The following CHCHD3 variants were observed in gnomAD, a reference collection of about 807,000 sequenced individuals.
CHCHD3 encodes MICOS complex subunit MIC19.
Under a neutral mutation model 38.2 loss-of-function variants are expected in CHCHD3, and 20 were observed. The observed-to-expected ratio is 0.52, with a 90% CI of 0.37 to 0.76. CHCHD3 has a LOEUF of 0.76. CHCHD3 is among the 30% of genes least tolerant of loss of function. The pLI, the probability that CHCHD3 is intolerant of heterozygous loss-of-function variation, is 0.00. For missense variants in CHCHD3, 245 were observed against 279.2 expected (o/e 0.88, Z 0.87); for synonymous variants, 82 against 100.0 (o/e 0.82, Z 1.07).
chr7:132,915,931 TTTTTTTAA>T (rs764359490), intron 4 of CHCHD3, among the ~76,000 whole-genome samples: 34 of 151,766 alleles, frequency 2.2e-4, no homozygotes, highest in Non-Finnish European at 4.0e-4. Flanking sequence ...GAGTTTGGTT[TTTTTTTAA>T]TTTTTTAATA....
At chr7:132,878,404 C>T (rs898719205) in intron 5 of CHCHD3, among the ~76,000 whole-genome samples, 2 of 152,144 alleles carry the variant, frequency 1.3e-5, no homozygotes, top group Non-Finnish European at 2.9e-5. Context: ...GAGCCCAACA[C>T]TTTATGATGC....
At chr7:133,039,360 C>T (rs1367484881) in intron 2 of CHCHD3, among the ~76,000 whole-genome samples, 1 of 152,166 alleles carries the variant, frequency 6.6e-6, no homozygotes, top group Admixed American at 6.5e-5. Context: ...AAAAATCAAA[C>T]TAAATTACTC....
chr7:132,849,282 T>A (rs1484431500), intron 5 of CHCHD3: 1 of 152,168 alleles, frequency 6.6e-6, no homozygotes, highest in Non-Finnish European at 1.5e-5. Context: ...TGAAGAACAA[T>A]CATCAAGCGG....
intron 6 of CHCHD3, among the ~76,000 whole-genome samples, chr7:132,808,287 C>G (rs1806982892): frequency 6.6e-6 from 1 of 152,262 alleles, no homozygotes; most frequent in Admixed American, 6.5e-5. Context: ...AAGTTGGCCC[C>G]TTCTCTGTCT....
intron 4 of CHCHD3, among the ~76,000 whole-genome samples, chr7:132,949,522 A>T (rs1207699758): frequency 6.6e-6 from 1 of 152,196 alleles, no homozygotes; most frequent in Admixed American, 6.5e-5. Flanking sequence ...TTGTTCCAGA[A>T]TGCAAAAATG....
intron 1 of CHCHD3, among the ~76,000 whole-genome samples, chr7:133,080,717 G>T (rs12537090): frequency 0.54 from 81,993 of 151,960 alleles, 23,022 homozygotes; most frequent in South Asian, 0.66. Context: ...ACTGGTCACA[G>T]ACCAAAAACT....
chr7:133,029,854 G>A (rs188263369), intron 2 of CHCHD3, among the ~76,000 whole-genome samples: 6 of 152,164 alleles, frequency 3.9e-5, no homozygotes, highest in Non-Finnish European at 5.9e-5. Context: ...AGAGAAAAAC[G>A]TGGGAAGAGG....
chr7:132,801,902 C>T (rs1194382591), intron 6 of CHCHD3, among the ~76,000 whole-genome samples: 1 of 152,124 alleles, frequency 6.6e-6, no homozygotes, highest in East Asian at 1.9e-4. Flanking sequence ...ACGTGGGGAA[C>T]GTGACCTGGA....
chr7:132,837,050 C>T (rs1029105054), intron 6 of CHCHD3, among the ~76,000 whole-genome samples: 15 of 152,140 alleles, frequency 9.9e-5, no homozygotes, highest in South Asian at 4.1e-4. Context: ...ATATCTTTCC[C>T]GTCCACCTAC....
intron 4 of CHCHD3, among the ~76,000 whole-genome samples, chr7:132,933,422 T>A (rs1430353282): frequency 6.6e-6 from 1 of 152,342 alleles, no homozygotes; most frequent in East Asian, 1.9e-4. Flanking sequence ...GACTTTATCA[T>A]AAGGCTCTTC....
intron 7 of CHCHD3, among the ~76,000 whole-genome samples, chr7:132,786,430 G>T (rs1020187370): frequency 2.6e-5 from 4 of 152,174 alleles, no homozygotes; most frequent in Admixed American, 6.5e-5. Flanking sequence ...TTGCAGAAAT[G>T]GTCCCTACAT....
intron 4 of CHCHD3, among the ~76,000 whole-genome samples, chr7:132,959,179 A>G (rs1253118497): frequency 6.6e-6 from 1 of 152,188 alleles, no homozygotes; most frequent in Non-Finnish European, 1.5e-5. Context: ...TTCTACCTAC[A>G]CCTAACTCCC....
At chr7:132,848,880 T>C (rs1379008498) in intron 5 of CHCHD3, among the ~76,000 whole-genome samples, 1 of 152,154 alleles carries the variant, frequency 6.6e-6, no homozygotes, top group Non-Finnish European at 1.5e-5. Context: ...TTTTATCCCC[T>C]ACCCTCCGTC....
intron 7 of CHCHD3, 28 bp downstream of exon 7, chr7:132,796,414 C>T (rs372345657): frequency 2.7e-5 from 43 of 1,611,040 alleles, no homozygotes; most frequent in Non-Finnish European, 3.4e-5. Flanking sequence ...TTGCCCAGTG[C>T]CCCCAGTGGC....
intron 2 of CHCHD3, among the ~76,000 whole-genome samples, chr7:133,040,659 T>C (rs1813807765): frequency 6.6e-6 from 1 of 152,214 alleles, no homozygotes; most frequent in African/African-American, 2.4e-5. Flanking sequence ...ACAAGCATCT[T>C]GCTGTGGTTA....
In CHCHD3 at chr7:133,081,960, G is replaced by A. The variant is rs1815187892; in HGVS notation, c.-23C>T. 1 of 1,528,838 alleles carries A rather than the reference G, an allele frequency of 6.5e-7. No homozygotes were observed. The allele number at this position is 1,528,838 out of a possible 1,614,324, so 94.7% of individuals were successfully genotyped here. On this transcript the variant is annotated 5_prime_UTR_variant, in exon 1 of 8. Coordinates refer to ENST00000262570, the MANE Select transcript of CHCHD3 (RefSeq NM_017812.4). ...CATGATTCCGGTTCCTGCCCCAGCG[G>A]AGACCTAGCGGGGAACCACGAGCAC...
intron 4 of CHCHD3, among the ~76,000 whole-genome samples, chr7:132,912,623 C>T (rs181146566): frequency 9.2e-5 from 14 of 152,252 alleles, no homozygotes; most frequent in African/African-American, 2.9e-4. Context: ...GGCATGATCT[C>T]GGCCCACTGC....
chr7:133,020,596 C>T (rs1001412561), intron 3 of CHCHD3, among the ~76,000 whole-genome samples: 3 of 152,158 alleles, frequency 2.0e-5, no homozygotes, highest in African/African-American at 4.8e-5. Flanking sequence ...TATTTTTCCA[C>T]GTTTTCACAA....
chr7:132,817,896 A>AT (rs1807242204), intron 6 of CHCHD3, among the ~76,000 whole-genome samples: 1 of 151,914 alleles, frequency 6.6e-6, no homozygotes, highest in African/African-American at 2.4e-5. Flanking sequence ...TGTCTCAAAA[A>AT]AAAAATAAAA....
Sources: allele counts gnomAD v4.1 joint callset (sites outside exome capture counted in the v4.1 genomes callset), GRCh38; gene constraint gnomAD v4.1.1; transcripts MANE v1.5; gene names NCBI Gene and HGNC (gene_info 2026-07-23, HGNC 2026-07-21).